The following PDE11A variants were observed in gnomAD, a reference collection of about 807,000 sequenced individuals.
PDE11A encodes phosphodiesterase 11A.
PDE11A carries 100 observed loss-of-function variants against 100.5 expected under a neutral mutation model. That is an observed-to-expected ratio of 1.00 (90% CI 0.85 to 1.18). PDE11A has a LOEUF of 1.18. PDE11A is among the 50% of genes most tolerant of loss of function. The pLI, the probability that PDE11A is intolerant of heterozygous loss-of-function variation, is 0.00. For synonymous variants in PDE11A, 381 were observed against 420.8 expected (o/e 0.91, Z 1.16); for missense variants, 1,141 against 1,152.6 (o/e 0.99, Z 0.15).
At chr2:177,888,385 G>A (rs1342518738) in intron 4 of PDE11A, among the ~76,000 whole-genome samples, 1 of 152,066 alleles carries the variant, frequency 6.6e-6, no homozygotes, top group African/African-American at 2.4e-5. Context: ...ACAAAGTGGA[G>A]GCAAAACAGT....
At chr2:177,892,875 A>G (rs1322283035) in intron 4 of PDE11A, among the ~76,000 whole-genome samples, 2 of 152,244 alleles carry the variant, frequency 1.3e-5, no homozygotes, top group African/African-American at 4.8e-5. Context: ...AATGTCTGCC[A>G]GGAAATGGGA....
chr2:177,724,064 C>T (rs1202025541), intron 12 of PDE11A, among the ~76,000 whole-genome samples: 1 of 152,116 alleles, frequency 6.6e-6, no homozygotes, highest in Non-Finnish European at 1.5e-5. Context: ...CATTCATCTG[C>T]AGGTTTTCTT....
intron 6 of PDE11A, among the ~76,000 whole-genome samples, chr2:177,833,559 G>C (rs538618832): frequency 6.6e-6 from 1 of 152,298 alleles, no homozygotes; most frequent in South Asian, 2.1e-4. Context: ...AAGCTGTGTG[G>C]TCTTGGCAGA....
chr2:178,072,106 T>C lies in PDE11A; in HGVS notation c.332A>G (p.Asn111Ser). The C allele has an allele frequency of 6.2e-7, 1 of 1,613,696 alleles. No homozygotes were observed. Among genetic ancestry groups the C allele is most frequent in the East Asian group, 2.2e-5 (1 of 44,852 alleles). Residue 111 changes from asparagine to serine, a missense_variant, in exon 1 of 20, where the codon AAC becomes AGC. Physicochemically the swap from Asn to Ser is conservative, Grantham distance 46. Transcript: ENST00000286063. ...TTTCTGAGAAGCTCTCCGCTGCAGG[T>C]TCCCATCGCCCCTGCTGCCACCGGC... ...SWAGGSRGDG[N>S]LQRRASQKEL...
At chr2:177,752,908 G>T (rs1476569009) in intron 10 of PDE11A, among the ~76,000 whole-genome samples, 2 of 152,160 alleles carry the variant, frequency 1.3e-5, no homozygotes, top group Non-Finnish European at 2.9e-5. Flanking sequence ...TAATATGTTT[G>T]CCCATTGTTG....
intron 2 of PDE11A, among the ~76,000 whole-genome samples, chr2:177,993,993 T>C (rs1389957993): frequency 6.7e-6 from 1 of 148,596 alleles, no homozygotes; most frequent in Non-Finnish European, 1.5e-5. Flanking sequence ...TGAAGTGCAA[T>C]GGAGCAATCT....
chr2:177,853,277 T>C (rs1313622773), intron 5 of PDE11A, among the ~76,000 whole-genome samples: 1 of 151,982 alleles, frequency 6.6e-6, no homozygotes, highest in Non-Finnish European at 1.5e-5. Context: ...GTTTGGAGGA[T>C]AAAATAATAG....
chr2:177,816,858 A>G lies in PDE11A; in HGVS notation c.1708T>C (p.Ser570Pro), dbSNP rs149795546. Reference sequence around the variant, plus strand: ...AGAGCCACAGACTGCTTGGCCCAGGACTTCTTCACTTGATCATACATAATT... The same window carrying G: ...AGAGCCACAGACTGCTTGGCCCAGGGCTTCTTCACTTGATCATACATAATT... ...NTIMYDQVKK[S>P]WAKQSVALDV... Residue 570 changes from serine (S) to proline (P), a missense_variant, in exon 9 of 20, where the codon TCC becomes CCC. Transcript: ENST00000286063. 1,029 of 1,607,464 alleles carry G rather than the reference A, an allele frequency of 6.4e-4. 5 individuals carry two copies. Among genetic ancestry groups the G allele is most frequent in the Middle Eastern group, 6.3e-3 (38 of 6,048 alleles).
intron 19 of PDE11A, among the ~76,000 whole-genome samples, chr2:177,631,344 T>C (rs1347978799): frequency 7.0e-6 from 1 of 143,634 alleles, no homozygotes; most frequent in Non-Finnish European, 1.5e-5. Flanking sequence ...TGGTGGCACA[T>C]GCCTCACATG....
At chr2:177,659,772 T>C (rs944723977) in intron 19 of PDE11A, among the ~76,000 whole-genome samples, 3 of 149,716 alleles carry the variant, frequency 2.0e-5, no homozygotes, top group Non-Finnish European at 4.5e-5. Flanking sequence ...TTTTTCTTCC[T>C]TCTTCTTCTT....
intron 1 of PDE11A, among the ~76,000 whole-genome samples, chr2:178,058,415 A>G (rs2105863402): frequency 6.6e-6 from 1 of 152,236 alleles, no homozygotes; most frequent in East Asian, 1.9e-4. Context: ...GAGTCTTCCA[A>G]GATCTGATGG....
chr2:177,649,659 A>G (rs1249039807), intron 19 of PDE11A, among the ~76,000 whole-genome samples: 1 of 152,232 alleles, frequency 6.6e-6, no homozygotes, highest in Non-Finnish European at 1.5e-5. Context: ...AGCATTATGT[A>G]TTAAAAACAG....
Position 178,072,608 on chromosome 2 carries a change from T to A in PDE11A, c.-171A>T. On this transcript the variant is annotated 5_prime_UTR_variant, in exon 1 of 20. Transcript: ENST00000286063. Reference sequence around the variant, plus strand: ...ATCTGGGAGATGCCCCTTCCTTCTCTGGCTCAGAGTGGCTGGCGCCGACCC... The same window carrying A: ...ATCTGGGAGATGCCCCTTCCTTCTCAGGCTCAGAGTGGCTGGCGCCGACCC... 3 of 1,499,422 alleles carry A rather than the reference T, an allele frequency of 2.0e-6. No homozygotes were observed. The highest frequency in any genetic ancestry group is 2.7e-6 in the Non-Finnish European group (3 of 1,128,922). The allele number at this position is 1,499,422 out of a possible 1,614,324, so 92.9% of individuals were successfully genotyped here.
intron 2 of PDE11A, among the ~76,000 whole-genome samples, chr2:177,917,180 C>T (rs541045485): frequency 2.0e-5 from 3 of 151,572 alleles, no homozygotes; most frequent in Admixed American, 1.3e-4. Context: ...GCCTCCAAAA[C>T]CACCCTATAT....
chr2:177,664,531 A>G (rs141956485), intron 18 of PDE11A, among the ~76,000 whole-genome samples: 2 of 152,248 alleles, frequency 1.3e-5, no homozygotes, highest in Non-Finnish European at 2.9e-5. Flanking sequence ...TTATCTCTTC[A>G]TTCCCAGCCC....
At chr2:177,647,344 C>T (rs1231345504) in intron 19 of PDE11A, among the ~76,000 whole-genome samples, 1 of 152,038 alleles carries the variant, frequency 6.6e-6, no homozygotes, top group Non-Finnish European at 1.5e-5. Flanking sequence ...GATAGGGTGT[C>T]TGTGTGGGAA....
chr2:177,763,889 C>A (rs1256859931), intron 10 of PDE11A, among the ~76,000 whole-genome samples: 1 of 152,152 alleles, frequency 6.6e-6, no homozygotes, highest in East Asian at 1.9e-4. Flanking sequence ...AAAGGCACTC[C>A]ATGCACTTGG....
intron 2 of PDE11A, among the ~76,000 whole-genome samples, chr2:177,931,911 C>CAAAAAAA (rs71410773): frequency 1.0e-4 from 8 of 80,238 alleles, no homozygotes; most frequent in Middle Eastern, 6.7e-3. Flanking sequence ...GCTAGATTAA[C>CAAAAAAA]AAAAAAAAAA....
At chr2:177,745,671 C>G (rs2081937697) in intron 10 of PDE11A, among the ~76,000 whole-genome samples, 1 of 152,200 alleles carries the variant, frequency 6.6e-6, no homozygotes, top group South Asian at 2.1e-4. Flanking sequence ...CATCAGAGCC[C>G]AGGCCTTATG....
Sources: gnomAD v4.1 joint callset for allele counts (sites outside exome capture counted in the v4.1 genomes callset) on GRCh38, gnomAD v4.1.1 for gene constraint, MANE v1.5 for transcripts, NCBI Gene and HGNC (gene_info 2026-07-23, HGNC 2026-07-21) for gene names.